The following ADAMTS16 variants were observed in gnomAD, a reference collection of about 807,000 sequenced individuals.
The protein encoded by ADAMTS16 is A disintegrin and metalloproteinase with thrombospondin motifs 16.
Under a neutral mutation model 145.8 loss-of-function variants are expected in ADAMTS16, and 94 were observed. The ratio of observed to expected loss-of-function variants is 0.64; its 90% CI spans 0.55 to 0.77. The LOEUF is 0.77. Among genes scored for constraint, ADAMTS16 ranks in the 30% least tolerant of loss-of-function variants. The pLI is 0.00. For synonymous variants in ADAMTS16, 659 were observed against 604.3 expected (o/e 1.09, Z -1.33); for missense variants, 1,585 against 1,591.5 (o/e 1.00, Z 0.07).
intron 11 of ADAMTS16, among the ~76,000 whole-genome samples, chr5:5,229,260 TGCAGTCC>T (rs1736856411): frequency 7.5e-6 from 1 of 133,502 alleles, no homozygotes. Context: ...ATTGCGCCAC[TGCAGTCC>T]GCAGTCCGGC....
chr5:5,289,913 G>A (rs1177975433), intron 18 of ADAMTS16, among the ~76,000 whole-genome samples: 1 of 152,200 alleles, frequency 6.6e-6, no homozygotes, highest in South Asian at 2.1e-4. Flanking sequence ...CAAAAGTGCT[G>A]TCTCTACATC....
At chr5:5,177,813 T>C (rs1171151238) in intron 3 of ADAMTS16, among the ~76,000 whole-genome samples, 2 of 152,174 alleles carry the variant, frequency 1.3e-5, no homozygotes, top group Non-Finnish European at 2.9e-5. Context: ...GCATCTTTCT[T>C]ATAATGAGCC....
At chr5:5,145,828 G>A (rs1055983857) in intron 2 of ADAMTS16, among the ~76,000 whole-genome samples, 1 of 152,150 alleles carries the variant, frequency 6.6e-6, no homozygotes, top group African/African-American at 2.4e-5. Context: ...TGGGAGGTGA[G>A]GAGCATGCCC....
intron 5 of ADAMTS16, among the ~76,000 whole-genome samples, chr5:5,187,410 AGCTTGAGAAGTGATTG>A (rs1379691859): frequency 5.9e-5 from 9 of 151,938 alleles, no homozygotes; most frequent in Admixed American, 5.9e-4. Context: ...TTGCCAGGAG[AGCTTGAGAAGTGATTG>A]GCTTCTGTCA....
chr5:5,211,663 C>A (rs746604657), intron 10 of ADAMTS16, among the ~76,000 whole-genome samples: 11 of 152,018 alleles, frequency 7.2e-5, no homozygotes, highest in Non-Finnish European at 1.0e-4. Flanking sequence ...TCTTATTTTC[C>A]TAATATAACC....
intron 10 of ADAMTS16, among the ~76,000 whole-genome samples, chr5:5,219,294 C>G (rs188209263): frequency 6.6e-6 from 1 of 152,158 alleles, no homozygotes; most frequent in South Asian, 2.1e-4. Context: ...TGTTAACTAT[C>G]GTCACCCTAT....
Position 5,303,766 on chromosome 5 carries a change from G to A in ADAMTS16, c.3186G>A (p.Gln1062=). ...KLQWLVSAWS[Q]CSVTCERGTQ... ...AGTGGCTGGTGTCCGCCTGGTCCCA[G>A]GTAGGTGCACTGGTCTCGCGGGAGC... Residue 1062 remains glutamine (Q), a splice_region_variant and synonymous_variant, in exon 20 of 23, where the codon CAG becomes CAA. Coordinates refer to ENST00000274181, the MANE Select transcript of ADAMTS16 (RefSeq NM_139056.4). The A allele has an allele frequency of 2.5e-6, 4 of 1,612,636 alleles. No homozygotes were observed. The highest frequency in any genetic ancestry group is 3.4e-6 in the Non-Finnish European group (4 of 1,179,786).
intron 18 of ADAMTS16, among the ~76,000 whole-genome samples, chr5:5,276,664 G>C (rs2126462973): frequency 6.6e-6 from 1 of 152,266 alleles, no homozygotes; most frequent in East Asian, 1.9e-4. Context: ...CTCTGGGGAG[G>C]CTGGGCCAGC....
chr5:5,159,413 T>C (rs753243005), intron 3 of ADAMTS16, among the ~76,000 whole-genome samples: 4 of 152,156 alleles, frequency 2.6e-5, no homozygotes, highest in Non-Finnish European at 4.4e-5. Context: ...TAGGGCTGAG[T>C]GAGTTTTGAG....
chr5:5,262,508 A>T, intron 17 of ADAMTS16, 149 bp from the exon 18 acceptor site: 1 of 986,730 alleles, frequency 1.0e-6, no homozygotes, highest in Non-Finnish European at 1.4e-6. Context: ...AGAAAAGTGG[A>T]GTATTAATAG....
In ADAMTS16 at chr5:5,279,242, T is replaced by A. The variant is rs151334076; in HGVS notation, c.2789+16459T>A. Among the ~76,000 whole-genome samples, 883 of 152,300 alleles carry A rather than the reference T, an allele frequency of 5.8e-3. 7 individuals are homozygous for A. Among genetic ancestry groups the A allele is most frequent in the African/African-American group, 0.02 (821 of 41,566 alleles). ...CTGTCTGTGGGAAACACAGAAGCAA[T>A]CTTCTGACTGCCTCCAAGGCTTCTC... is the stretch of plus-strand genomic sequence containing the variant. On this transcript the variant is annotated intron_variant, in intron 18 of 22. Coordinates refer to ENST00000274181, the MANE Select transcript of ADAMTS16 (RefSeq NM_139056.4).
At chr5:5,242,959 T>A (rs1221809447) in intron 17 of ADAMTS16, among the ~76,000 whole-genome samples, 1 of 152,234 alleles carries the variant, frequency 6.6e-6, no homozygotes. Flanking sequence ...CTTTATGCAA[T>A]CTAGGTTTTC....
In ADAMTS16 at chr5:5,319,840, A is replaced by G. The variant is rs769476548; in HGVS notation, c.*702A>G. Reference sequence around the variant, plus strand: ...GCTTCTATCTCTTTCAGATTCATGCATTGAAGGAGAGATTTTTTATACTTT... The same window carrying G: ...GCTTCTATCTCTTTCAGATTCATGCGTTGAAGGAGAGATTTTTTATACTTT... On this transcript the variant is annotated 3_prime_UTR_variant, in exon 23 of 23. Transcript: ENST00000274181. 1.5e-5 allele frequency: 7 copies of G among 454,968 alleles called. No individual in the cohort carries two copies. The highest frequency in any genetic ancestry group is 3.1e-5 in the Non-Finnish European group (7 of 226,568). 28.2% of individuals were successfully genotyped at this position (454,968 alleles called of 1,614,324 possible). A position where few individuals can be genotyped will look rare whatever the true frequency, so the allele number is the denominator to read the frequency against.
chr5:5,307,898 CCCA>C (rs1310241607), intron 21 of ADAMTS16, among the ~76,000 whole-genome samples: 2 of 152,160 alleles, frequency 1.3e-5, no homozygotes, highest in African/African-American at 4.8e-5. Context: ...GCTCTATATC[CCCA>C]CTTCTAGGAG....
chr5:5,238,686 A>G (rs762786976), intron 14 of ADAMTS16, among the ~76,000 whole-genome samples: 5 of 152,242 alleles, frequency 3.3e-5, no homozygotes, highest in Non-Finnish European at 7.3e-5. Context: ...ATTCTAAGGA[A>G]GTGAATAAAC....
intron 10 of ADAMTS16, among the ~76,000 whole-genome samples, chr5:5,215,725 A>T (rs1050777498): frequency 1.4e-5 from 2 of 146,402 alleles, no homozygotes; most frequent in African/African-American, 5.1e-5. Context: ...TGGTATATAT[A>T]TATGTGGTAT....
At chr5:5,300,909 G>C (rs60819742) in intron 18 of ADAMTS16, among the ~76,000 whole-genome samples, 1,939 of 152,260 alleles carry the variant, frequency 0.013, 39 homozygotes, top group African/African-American at 0.044. Context: ...ATCTCCTGGA[G>C]CTTGAGGTCC....
chr5:5,315,787 G>A (rs1368759852), intron 21 of ADAMTS16, among the ~76,000 whole-genome samples: 4 of 152,182 alleles, frequency 2.6e-5, no homozygotes, highest in East Asian at 1.9e-4. Context: ...TTGTGACCCT[G>A]ATAATTCTGA....
intron 4 of ADAMTS16, among the ~76,000 whole-genome samples, chr5:5,184,712 G>T (rs1344977681): frequency 6.6e-6 from 1 of 151,978 alleles, no homozygotes; most frequent in Non-Finnish European, 1.5e-5. Context: ...GTGTGTTCTG[G>T]GGACAACGTT....
Sources: gnomAD v4.1 joint callset for allele counts (sites outside exome capture counted in the v4.1 genomes callset) on GRCh38, gnomAD v4.1.1 for gene constraint, MANE v1.5 for transcripts, NCBI Gene and HGNC (gene_info 2026-07-23, HGNC 2026-07-21) for gene names.